The following CADPS2 variants were observed in gnomAD, a reference collection of about 807,000 sequenced individuals.
CADPS2 encodes the protein calcium-dependent secretion activator 2.
A neutral mutation model predicts 172.5 loss-of-function variants in CADPS2; 93 were observed. The observed-to-expected ratio is 0.54, with a 90% confidence interval of 0.46 to 0.64. CADPS2 has a LOEUF of 0.64. CADPS2 is among the 30% of genes least tolerant of loss of function. The pLI is 0.00. For missense variants in CADPS2, 1,420 were observed against 1,565.9 expected (o/e 0.91, Z 1.57); for synonymous variants, 546 against 555.2 (o/e 0.98, Z 0.23).
chr7:122,839,420 T>C (rs1317420909), intron 1 of CADPS2, among the ~76,000 whole-genome samples: 1 of 152,090 alleles, frequency 6.6e-6, no homozygotes, highest in Non-Finnish European at 1.5e-5. Flanking sequence ...AAAGCCAAAA[T>C]TGACAAATGG....
chr7:122,526,617 T>C (rs754507110), intron 8 of CADPS2, among the ~76,000 whole-genome samples: 108 of 152,364 alleles, frequency 7.1e-4, no homozygotes, highest in Non-Finnish European at 1.4e-3. Flanking sequence ...TCCCACACAT[T>C]GTACAATTTC....
intron 1 of CADPS2, among the ~76,000 whole-genome samples, chr7:122,809,482 G>A (rs1051681992): frequency 1.3e-5 from 2 of 151,532 alleles, no homozygotes; most frequent in African/African-American, 4.9e-5. Flanking sequence ...TCGGGAGGCT[G>A]AGGCAGAGAA....
chr7:122,328,157 A>ACACACACG (rs750331904), intron 28 of CADPS2, among the ~76,000 whole-genome samples: 19 of 110,150 alleles, frequency 1.7e-4, no homozygotes, highest in Admixed American at 6.8e-4. Flanking sequence ...ACACACACAC[A>ACACACACG]CACGCACGCA....
At position 122,577,013 on chromosome 7, in the gene CADPS2, G is replaced by A. The variant is rs143603388; in HGVS notation, c.1335+4166C>T. ...TGACCTCAGGTGATCCCCCTGCCTC[G>A]GCCTCCCATAATGCTGGGATTATAG... is the stretch of plus-strand genomic sequence containing the variant. On this transcript the variant is annotated intron_variant, in intron 7 of 29. Coordinates refer to ENST00000449022, the MANE Select transcript of CADPS2 (RefSeq NM_017954.11). Among the ~76,000 whole-genome samples, 1,181 of 151,904 alleles carry A rather than the reference G, an allele frequency of 7.8e-3. 14 individuals are homozygous for A. Among genetic ancestry groups the A allele is most frequent in the African/African-American group, 0.027 (1,139 of 41,424 alleles).
intron 5 of CADPS2, among the ~76,000 whole-genome samples, chr7:122,615,799 T>G (rs977326095): frequency 5.3e-5 from 8 of 152,138 alleles, no homozygotes; most frequent in African/African-American, 1.9e-4. Flanking sequence ...TTGAGATTAC[T>G]ATTATTGTCT....
intron 1 of CADPS2, among the ~76,000 whole-genome samples, chr7:122,809,786 G>A (rs1799628743): frequency 6.6e-6 from 1 of 152,128 alleles, no homozygotes. Context: ...ATAAGTTCAT[G>A]CAAGTGTCCA....
chr7:122,323,873 TTATATATATATATATATATATATATA>T lies in CADPS2; in HGVS notation c.3717+1578_3717+1603del, dbSNP rs71159788. Among the ~76,000 whole-genome samples, 1,037 of 112,518 alleles carry T rather than the reference TTATATATATATATATATATATATATA, an allele frequency of 9.2e-3. 19 individuals carry two copies. The highest frequency in any genetic ancestry group is 0.026 in the African/African-American group (644 of 24,896). 73.8% of individuals were successfully genotyped at this position (112,518 alleles called of 152,430 possible). ...TGCATATTATATACATATGTATATT[TTATATATATATATATATATATATATA>T]TATATATATATATATATATATATGG... On this transcript the variant is annotated intron_variant, in intron 29 of 29. Coordinates refer to ENST00000449022, the MANE Select transcript of CADPS2 (RefSeq NM_017954.11).
intron 2 of CADPS2, among the ~76,000 whole-genome samples, chr7:122,725,669 C>T (rs543512530): frequency 1.3e-5 from 2 of 151,600 alleles, no homozygotes; most frequent in African/African-American, 4.8e-5. Context: ...TAGTTCACGC[C>T]TATAATCCCA....
chr7:122,460,081 G>A (rs2152091217), intron 14 of CADPS2, among the ~76,000 whole-genome samples: 1 of 152,144 alleles, frequency 6.6e-6, no homozygotes, highest in East Asian at 1.9e-4. Context: ...TCGCCATAGA[G>A]ATGTCCAAAT....
At chr7:122,645,269 A>G (rs549847714) in intron 3 of CADPS2, among the ~76,000 whole-genome samples, 2 of 141,712 alleles carry the variant, frequency 1.4e-5, no homozygotes, top group East Asian at 2.1e-4. Flanking sequence ...GTATACATGT[A>G]CATATATACA....
intron 7 of CADPS2, among the ~76,000 whole-genome samples, chr7:122,573,481 A>C (rs2067548171): frequency 6.6e-6 from 1 of 152,098 alleles, no homozygotes; most frequent in African/African-American, 2.4e-5. Context: ...TTGAGGCTGC[A>C]GTAAGCCATG....
chr7:122,754,724 C>T (rs904250664), intron 1 of CADPS2, among the ~76,000 whole-genome samples: 2 of 152,200 alleles, frequency 1.3e-5, no homozygotes, highest in African/African-American at 4.8e-5. Flanking sequence ...ATCTGCCTGC[C>T]TCGGCCTCCC....
intron 2 of CADPS2, among the ~76,000 whole-genome samples, chr7:122,672,881 C>T (rs868572955): frequency 8.5e-5 from 13 of 152,320 alleles, no homozygotes; most frequent in South Asian, 6.2e-4. Context: ...AATAATGAAG[C>T]CACGGACCCT....
chr7:122,739,476 T>C (rs1383406883), intron 1 of CADPS2, among the ~76,000 whole-genome samples: 1 of 152,118 alleles, frequency 6.6e-6, no homozygotes, highest in Non-Finnish European at 1.5e-5. Context: ...GTAATTACAG[T>C]GTAGAAAATT....
intron 17 of CADPS2, among the ~76,000 whole-genome samples, chr7:122,434,299 T>A (rs935026892): frequency 3.0e-4 from 46 of 152,094 alleles, no homozygotes; most frequent in African/African-American, 1.1e-3. Flanking sequence ...GAGTGTTTTG[T>A]TCCTGTCACT....
chr7:122,485,709 G>T (rs1490344001), intron 11 of CADPS2, among the ~76,000 whole-genome samples: 1 of 152,230 alleles, frequency 6.6e-6, no homozygotes, highest in Non-Finnish European at 1.5e-5. Context: ...CTAAATAACA[G>T]ATTTTTAGTG....
chr7:122,385,261 T>C (rs751721215), intron 24 of CADPS2, among the ~76,000 whole-genome samples: 11 of 152,082 alleles, frequency 7.2e-5, no homozygotes, highest in Admixed American at 1.3e-4. Flanking sequence ...ACCTGATATA[T>C]GTGTAAGGTT....
At chr7:122,323,222 A>G (rs1382031809) in intron 29 of CADPS2, among the ~76,000 whole-genome samples, 1 of 152,172 alleles carries the variant, frequency 6.6e-6, no homozygotes, top group African/African-American at 2.4e-5. Flanking sequence ...ATAGAGCCCT[A>G]TGACTTGATT....
At chr7:122,732,728 T>C (rs1030966717) in intron 2 of CADPS2, among the ~76,000 whole-genome samples, 3 of 144,240 alleles carry the variant, frequency 2.1e-5, no homozygotes, top group South Asian at 4.2e-4. Context: ...ATATTACATA[T>C]CATTATATAT....
Sources: gnomAD v4.1 joint callset for allele counts (sites outside exome capture counted in the v4.1 genomes callset) on GRCh38, gnomAD v4.1.1 for gene constraint, MANE v1.5 for transcripts, NCBI Gene and HGNC (gene_info 2026-07-23, HGNC 2026-07-21) for gene names.